TENM2: variants seen among roughly 807,000 people sequenced by gnomAD.
TENM2 encodes the protein teneurin-2.
In TENM2, 52 loss-of-function variants were observed where a neutral mutation model predicts 245.2. The ratio of observed to expected loss-of-function variants is 0.21; its 90% CI spans 0.17 to 0.27. TENM2 has a LOEUF of 0.27. Among genes scored for constraint, TENM2 ranks in the 10% least tolerant of loss-of-function variants. The probability of loss-of-function intolerance (pLI) is 1.00; values close to 1 mark genes in which losing one functional copy is unlikely to be tolerated. For synonymous variants in TENM2, 1,363 were observed against 1,438.9 expected (o/e 0.95, Z 1.19); for missense variants, 3,046 against 3,666.8 (o/e 0.83, Z 4.37).
the TENM2 span, among the ~76,000 whole-genome samples, chr5:166,988,108 G>T: frequency 6.6e-6 from 1 of 152,188 alleles, no homozygotes; most frequent in African/African-American, 2.4e-5. Flanking sequence ...CCTTTCCACA[G>T]CCCCAGGTAA....
At chr5:167,814,453 C>CAAAAAAAAAAAAAAAAAAAAAA (rs11324953) in intron 2 of TENM2, among the ~76,000 whole-genome samples, 1 of 83,936 alleles carries the variant, frequency 1.2e-5, no homozygotes, top group African/African-American at 4.7e-5. Context: ...CACTCCGATT[C>CAAAAAAAAAAAAAAAAAAAAAA]AAAAAAAAAA....
intron 2 of TENM2, among the ~76,000 whole-genome samples, chr5:167,749,573 G>A (rs971989107): frequency 6.6e-5 from 10 of 151,912 alleles, no homozygotes; most frequent in Admixed American, 2.6e-4. Flanking sequence ...GGAAGGCAGA[G>A]GTTGCAGTGA....
At chr5:167,215,815 G>A in the TENM2 span, among the ~76,000 whole-genome samples, 1 of 152,086 alleles carries the variant, frequency 6.6e-6, no homozygotes, top group Non-Finnish European at 1.5e-5. Context: ...TTTACTTTCA[G>A]GTATCAATGA....
the TENM2 span, among the ~76,000 whole-genome samples, chr5:167,086,816 A>T: frequency 1.2e-4 from 19 of 152,096 alleles, no homozygotes; most frequent in Non-Finnish European, 7.4e-5. Flanking sequence ...AACATTAATT[A>T]AAAAACCAAC....
At chr5:167,295,839 G>C (rs916679393) in intron 1 of TENM2, among the ~76,000 whole-genome samples, 6 of 152,178 alleles carry the variant, frequency 3.9e-5, no homozygotes, top group Middle Eastern at 3.4e-3. Flanking sequence ...TATTCCTCCT[G>C]CACTGACTGC....
intron 10 of TENM2, among the ~76,000 whole-genome samples, chr5:168,124,254 T>C (rs1358808730): frequency 6.6e-6 from 1 of 152,242 alleles, no homozygotes; most frequent in Non-Finnish European, 1.5e-5. Flanking sequence ...GCACATTTAC[T>C]AACTCCTTCA....
intron 1 of TENM2, among the ~76,000 whole-genome samples, chr5:167,369,302 G>A (rs943878570): frequency 4.6e-5 from 7 of 152,144 alleles, no homozygotes; most frequent in Non-Finnish European, 7.4e-5. Context: ...AAGTAGAAAA[G>A]GGGAACACTA....
intron 10 of TENM2, among the ~76,000 whole-genome samples, chr5:168,123,979 G>A (rs1230905903): frequency 2.0e-5 from 3 of 152,194 alleles, no homozygotes; most frequent in Non-Finnish European, 4.4e-5. Context: ...TCAAGAACTG[G>A]CCTTTGCAGC....
At chr5:167,063,973 TG>T in the TENM2 span, among the ~76,000 whole-genome samples, 1 of 152,270 alleles carries the variant, frequency 6.6e-6, no homozygotes, top group South Asian at 2.1e-4. Context: ...TGAATGTGAA[TG>T]GAGGACATCT....
At chr5:167,142,631 G>A in the TENM2 span, among the ~76,000 whole-genome samples, 7 of 151,946 alleles carry the variant, frequency 4.6e-5, no homozygotes, top group Non-Finnish European at 7.4e-5. Flanking sequence ...GCTCACTGCA[G>A]CCTCCTCCAC....
chr5:167,027,477 G>T, the TENM2 span, among the ~76,000 whole-genome samples: 43 of 152,134 alleles, frequency 2.8e-4, no homozygotes, highest in African/African-American at 1.0e-3. Context: ...ATTATGTTAG[G>T]ATCATAAGGA....
chr5:167,247,285 T>A, the TENM2 span, among the ~76,000 whole-genome samples: 2 of 152,142 alleles, frequency 1.3e-5, no homozygotes, highest in African/African-American at 4.8e-5. Flanking sequence ...ATTTGACTCC[T>A]GAGTTCACGC....
chr5:167,525,674 G>A (rs1016211698), intron 2 of TENM2, among the ~76,000 whole-genome samples: 1 of 151,966 alleles, frequency 6.6e-6, no homozygotes, highest in African/African-American at 2.4e-5. Context: ...GTGTTCCTGT[G>A]GTGATTTCTC....
chr5:167,381,402 C>G, intron 2 of TENM2, among the ~76,000 whole-genome samples: 1 of 152,150 alleles, frequency 6.6e-6, no homozygotes, highest in East Asian at 1.9e-4. Flanking sequence ...GGATATTTAA[C>G]AACAGAAGTT....
chr5:167,631,182 A>G (rs979396625), intron 2 of TENM2, among the ~76,000 whole-genome samples: 2 of 152,182 alleles, frequency 1.3e-5, no homozygotes, highest in Non-Finnish European at 2.9e-5. Context: ...AAAAAAAGTC[A>G]GTAAGCTTGG....
At chr5:167,283,616 C>A (rs1271140346), upstream of TENM2, among the ~76,000 whole-genome samples, 2 of 152,194 alleles carry the variant, frequency 1.3e-5, no homozygotes, top group Admixed American at 6.5e-5. Flanking sequence ...CCAAGTATTT[C>A]CTGACATATT....
chr5:167,035,489 A>C, the TENM2 span, among the ~76,000 whole-genome samples: 1 of 152,230 alleles, frequency 6.6e-6, no homozygotes, highest in African/African-American at 2.4e-5. Flanking sequence ...GATGTCGTTC[A>C]TCACCATTTT....
At chr5:167,398,377 C>CCTTTCTTTCTTTCTTTCTTTCTTTCTTT (rs33991275) in intron 2 of TENM2, among the ~76,000 whole-genome samples, 7 of 137,080 alleles carry the variant, frequency 5.1e-5, no homozygotes, top group African/African-American at 1.6e-4. Context: ...TTTCTTTCTT[C>CCTTTCTTTCTTTCTTTCTTTCTTTCTTT]CTTTCTTTCT....
chr5:167,162,589 C>T, the TENM2 span, among the ~76,000 whole-genome samples: 1 of 150,530 alleles, frequency 6.6e-6, no homozygotes, highest in Non-Finnish European at 1.5e-5. Context: ...GATGGCGCCA[C>T]TGCACTGCAG....
Sources: allele counts gnomAD v4.1 joint callset (sites outside exome capture counted in the v4.1 genomes callset), GRCh38; gene constraint gnomAD v4.1.1; transcripts MANE v1.5; gene names NCBI Gene and HGNC (gene_info 2026-07-23, HGNC 2026-07-21).